ATP8A2: variants seen among roughly 807,000 people sequenced by gnomAD.
ATP8A2 encodes ATPase phospholipid transporting 8A2.
Under a neutral mutation model 165.6 loss-of-function variants are expected in ATP8A2, and 100 were observed. The ratio of observed to expected loss-of-function variants is 0.60; its 90% confidence interval spans 0.51 to 0.71. The LOEUF (loss-of-function observed/expected upper bound fraction) is 0.71, where lower values mean the gene tolerates loss of function less well. ATP8A2 is among the 30% of genes least tolerant of loss of function. ATP8A2 has a pLI of 0.00. For missense variants in ATP8A2, 1,227 were observed against 1,479.5 expected (o/e 0.83, Z 2.80); for synonymous variants, 543 against 548.8 (o/e 0.99, Z 0.15).
intron 1 of ATP8A2, among the ~76,000 whole-genome samples, chr13:25,404,730 G>A (rs1022617614): frequency 1.3e-5 from 2 of 152,008 alleles, no homozygotes; most frequent in Non-Finnish European, 2.9e-5. Flanking sequence ...TTTTGGCTGT[G>A]CTGATTGAGG....
intron 25 of ATP8A2, among the ~76,000 whole-genome samples, chr13:25,745,194 C>T (rs1186559150): frequency 1.3e-5 from 2 of 152,114 alleles, no homozygotes; most frequent in Admixed American, 6.5e-5. Context: ...CCACCCGCCT[C>T]GGCCTCCCAA....
intron 24 of ATP8A2, among the ~76,000 whole-genome samples, chr13:25,655,316 C>T (rs977462654): frequency 1.3e-5 from 2 of 152,108 alleles, no homozygotes; most frequent in African/African-American, 4.8e-5. Flanking sequence ...TCTGCCACCA[C>T]GCCTGGCTAA....
intron 1 of ATP8A2, among the ~76,000 whole-genome samples, chr13:25,424,211 GCTT>G (rs2034379287): frequency 6.6e-6 from 1 of 152,178 alleles, no homozygotes; most frequent in Non-Finnish European, 1.5e-5. Flanking sequence ...TGCATAAAGT[GCTT>G]ATTATTATCT....
chr13:25,540,420 T>C (rs1287072272), intron 8 of ATP8A2, 32 bp downstream of exon 8: 3 of 1,467,570 alleles, frequency 2.0e-6, no homozygotes, highest in East Asian at 2.3e-5. Context: ...TGTGTTGTTA[T>C]GGTAGACACA....
chr13:25,469,610 T>A (rs919166997), intron 2 of ATP8A2, among the ~76,000 whole-genome samples: 5 of 152,194 alleles, frequency 3.3e-5, no homozygotes, highest in Non-Finnish European at 7.3e-5. Context: ...GCTGCGAAAC[T>A]TTGCCCAGAG....
intron 13 of ATP8A2, 119 bp from the exon 14 acceptor site, chr13:25,558,854 C>A: frequency 3.3e-6 from 2 of 604,084 alleles, no homozygotes; most frequent in South Asian, 2.5e-5. Flanking sequence ...AATTTGCTTG[C>A]TTTAGGGAAA....
intron 27 of ATP8A2, among the ~76,000 whole-genome samples, chr13:25,791,222 A>C (rs1045260411): frequency 3.9e-5 from 6 of 152,170 alleles, no homozygotes; most frequent in African/African-American, 1.4e-4. Flanking sequence ...GAACGAGATC[A>C]TGTCCTTTGC....
At chr13:25,546,585 G>C (rs2038657890) in intron 10 of ATP8A2, among the ~76,000 whole-genome samples, 1 of 148,100 alleles carries the variant, frequency 6.8e-6, no homozygotes, top group Non-Finnish European at 1.5e-5. Flanking sequence ...TTCATGTTTA[G>C]TTTACTTACA....
chr13:25,577,332 G>A (rs989382619), intron 20 of ATP8A2, among the ~76,000 whole-genome samples, 194 bp downstream of exon 20: 1 of 152,194 alleles, frequency 6.6e-6, no homozygotes, highest in African/African-American at 2.4e-5. Flanking sequence ...GTGTGGCAAA[G>A]ATGGTCAGTG....
rs544247091 is a variant in ATP8A2 at position 25,663,756 on chromosome 13, A to G, written c.2212-35417A>G. On this transcript the variant is annotated intron_variant, in intron 24 of 36. Coordinates refer to ENST00000381655, the MANE Select transcript of ATP8A2 (RefSeq NM_016529.6). The stretch of plus-strand genomic sequence containing the variant: ...CAGGACTGCTTTGAGTTTTGCCTCT[A>G]TTCTAGCCATTTGCTGAGAAGAAAG... Among the ~76,000 whole-genome samples, 3 of 152,346 alleles carry G rather than the reference A, an allele frequency of 2.0e-5. No homozygotes were observed. The East Asian group carries it at 5.8e-4, about 29-fold the overall frequency.
At chr13:25,921,489 G>A (rs886178030) in intron 33 of ATP8A2, among the ~76,000 whole-genome samples, 5 of 151,684 alleles carry the variant, frequency 3.3e-5, no homozygotes, top group African/African-American at 1.2e-4. Context: ...CAGGTGTGGT[G>A]GCGGGCACCT....
intron 24 of ATP8A2, among the ~76,000 whole-genome samples, chr13:25,610,410 G>C (rs969447245): frequency 5.9e-5 from 9 of 151,892 alleles, no homozygotes; most frequent in African/African-American, 2.2e-4. Flanking sequence ...GCTTTGTCGA[G>C]GATCAGTTGG....
intron 33 of ATP8A2, chr13:25,867,896 A>G (rs777126441): frequency 8.9e-6 from 2 of 225,216 alleles, no homozygotes; most frequent in South Asian, 5.1e-5. Context: ...ACAAAAAGAC[A>G]AACAAAAACA....
chr13:25,413,869 T>G (rs2034051120), intron 1 of ATP8A2, among the ~76,000 whole-genome samples: 1 of 152,146 alleles, frequency 6.6e-6, no homozygotes. Context: ...CAATCCCCTG[T>G]TTTTTTATTT....
intron 1 of ATP8A2, among the ~76,000 whole-genome samples, chr13:25,430,917 T>TC (rs1193730683): frequency 2.0e-5 from 3 of 151,952 alleles, no homozygotes; most frequent in African/African-American, 4.8e-5. Flanking sequence ...TATAGTGGTC[T>TC]TTTAAGCATG....
chr13:25,948,378 C>CT lies in ATP8A2; in HGVS notation c.3184-13193dup, dbSNP rs368493220. 1.2e-3 allele frequency among the ~76,000 whole-genome samples: 185 copies of CT among 152,214 alleles called. 1 individual carries two copies. The highest frequency in any genetic ancestry group is 4.2e-3 in the African/African-American group (175 of 41,546). On this transcript the variant is annotated intron_variant, in intron 33 of 36. Coordinates refer to ENST00000381655, the MANE Select transcript of ATP8A2 (RefSeq NM_016529.6). ...ATGGCATTTACCATGTGCCAAGCAC[C>CT]TTTTATAGTACTTTACACTTAGTAA...
chr13:25,976,281 T>A (rs35030401), intron 35 of ATP8A2, among the ~76,000 whole-genome samples: 20,386 of 152,060 alleles, frequency 0.13, 2,188 homozygotes, highest in East Asian at 0.55. Flanking sequence ...TCCACTTTAT[T>A]TTTTTATCAT....
At chr13:25,553,695 G>A in intron 11 of ATP8A2, 98 bp from the exon 12 acceptor site, 1 of 1,253,766 alleles carries the variant, frequency 8.0e-7, no homozygotes, top group Middle Eastern at 2.0e-4. Context: ...TTCCTGACAT[G>A]CAGGAGGTGC....
At chr13:25,985,509 G>C (rs1449583294) in intron 35 of ATP8A2, among the ~76,000 whole-genome samples, 1 of 152,206 alleles carries the variant, frequency 6.6e-6, no homozygotes, top group Non-Finnish European at 1.5e-5. Flanking sequence ...GATTAGAGAA[G>C]CACCTAGCTT....
Sources: allele counts gnomAD v4.1 joint callset (sites outside exome capture counted in the v4.1 genomes callset), GRCh38; gene constraint gnomAD v4.1.1; transcripts MANE v1.5; gene names NCBI Gene and HGNC (gene_info 2026-07-23, HGNC 2026-07-21).